The following KLF13 variants were observed in gnomAD, a reference collection of about 807,000 sequenced individuals.
KLF13 encodes the protein KLF transcription factor 13.
A neutral mutation model predicts 16.7 loss-of-function variants in KLF13; 8 were observed. That is an observed-to-expected ratio of 0.48 (90% CI 0.28 to 0.87). The LOEUF (loss-of-function observed/expected upper bound fraction) is 0.87, where lower values mean the gene tolerates loss of function less well. KLF13 is among the 40% of genes least tolerant of loss of function. KLF13 has a pLI of 0.10. For synonymous variants in KLF13, 245 were observed against 208.4 expected (o/e 1.18, Z -1.51); for missense variants, 447 against 452.2 (o/e 0.99, Z 0.10).
chr15:31,430,714 T>C (rs1444368016), intron 1 of KLF13, among the ~76,000 whole-genome samples: 1 of 152,206 alleles, frequency 6.6e-6, no homozygotes, highest in Non-Finnish European at 1.5e-5. Context: ...ACAAAATGTT[T>C]CAACAAGTTG....
At chr15:31,421,890 G>A (rs1262953183) in intron 1 of KLF13, among the ~76,000 whole-genome samples, 1 of 152,154 alleles carries the variant, frequency 6.6e-6, no homozygotes, top group African/African-American at 2.4e-5. Flanking sequence ...AGGACGGGCA[G>A]ATCACCTGAG....
chr15:31,377,111 G>A lies in KLF13; in HGVS notation c.*4812G>A, dbSNP rs2039659905. 1 of 152,298 alleles carries A rather than the reference G, an allele frequency of 6.6e-6. No homozygotes were observed. The highest frequency in any genetic ancestry group is 2.4e-5 in the African/African-American group (1 of 41,426). 9.4% of individuals were successfully genotyped at this position (152,298 alleles called of 1,614,324 possible). On this transcript the variant is annotated 3_prime_UTR_variant, in exon 2 of 2. Transcript: ENST00000307145. ...GCAGTGCGTGCTTATTTGGAAACCAGGTGTGTGAGCCGAATGCCTGCCAGG... is the reference window on the plus strand; with the variant it reads ...GCAGTGCGTGCTTATTTGGAAACCAAGTGTGTGAGCCGAATGCCTGCCAGG...
chr15:31,338,000 C>G (rs1347260547), intron 1 of KLF13, among the ~76,000 whole-genome samples: 1 of 152,116 alleles, frequency 6.6e-6, no homozygotes, highest in Non-Finnish European at 1.5e-5. Flanking sequence ...GCTGTGTTGG[C>G]GAGCAGGTAG....
downstream of KLF13, among the ~76,000 whole-genome samples, chr15:31,379,966 A>G (rs2039704485): frequency 6.6e-6 from 1 of 152,196 alleles, no homozygotes; most frequent in African/African-American, 2.4e-5. Flanking sequence ...AAGAGGGCCA[A>G]GCCTGGCAAA....
chr15:31,328,287 C>G (rs950273832), intron 1 of KLF13, among the ~76,000 whole-genome samples: 2 of 151,708 alleles, frequency 1.3e-5, no homozygotes, highest in African/African-American at 4.8e-5. Flanking sequence ...GGGCGAAGTT[C>G]ACGCAGGGAC....
chr15:31,385,929 G>A (rs560344852), intron 1 of KLF13, among the ~76,000 whole-genome samples: 12 of 152,366 alleles, frequency 7.9e-5, no homozygotes, highest in Admixed American at 6.5e-4. Flanking sequence ...TAGCCACATT[G>A]TGAATGCAAA....
At chr15:31,365,180 G>A (rs2140960262) in intron 1 of KLF13, among the ~76,000 whole-genome samples, 1 of 152,304 alleles carries the variant, frequency 6.6e-6, no homozygotes, top group Middle Eastern at 3.4e-3. Context: ...TGGGGACAGT[G>A]GCCTGGGAGC....
At chr15:31,329,591 C>T (rs1399288875) in intron 1 of KLF13, among the ~76,000 whole-genome samples, 2 of 152,096 alleles carry the variant, frequency 1.3e-5, no homozygotes, top group Non-Finnish European at 2.9e-5. Flanking sequence ...AGGCTCTGGC[C>T]CCGCGCGAGC....
At chr15:31,402,731 G>C (rs1043073448) in intron 2 of KLF13, among the ~76,000 whole-genome samples, 1 of 152,172 alleles carries the variant, frequency 6.6e-6, no homozygotes, top group African/African-American at 2.4e-5. Context: ...CAGACACTCA[G>C]TTCTGCGGCT....
At chr15:31,386,746 G>A (rs1386466362) in intron 1 of KLF13, among the ~76,000 whole-genome samples, 2 of 152,216 alleles carry the variant, frequency 1.3e-5, no homozygotes, top group African/African-American at 4.8e-5. Flanking sequence ...GGACAGGCTG[G>A]CTCTCTTGTT....
intron 1 of KLF13, among the ~76,000 whole-genome samples, chr15:31,348,668 G>A (rs1283213124): frequency 6.6e-6 from 1 of 152,086 alleles, no homozygotes; most frequent in East Asian, 1.9e-4. Flanking sequence ...AGTGCCTTGG[G>A]CTCCAGTGGG....
intron 1 of KLF13, among the ~76,000 whole-genome samples, chr15:31,386,505 AAAAG>A (rs1292128778): frequency 6.6e-6 from 1 of 152,262 alleles, no homozygotes; most frequent in Non-Finnish European, 1.5e-5. Flanking sequence ...ATCTTAAAAA[AAAAG>A]AAAAGAAAAA....
intron 1 of KLF13, among the ~76,000 whole-genome samples, chr15:31,362,981 A>T (rs2039412928): frequency 1.3e-5 from 2 of 152,228 alleles, no homozygotes. Context: ...TTCCTGCTGC[A>T]TTGACTAATC....
intron 1 of KLF13, among the ~76,000 whole-genome samples, chr15:31,356,228 T>C (rs1006241356): frequency 6.6e-6 from 1 of 152,162 alleles, no homozygotes; most frequent in African/African-American, 2.4e-5. Flanking sequence ...CTCTTTTGTG[T>C]CCCTGTGTAC....
chr15:31,387,284 A>AGCCACCCAAACCTCAGCAACC (rs2039805705), intron 1 of KLF13, among the ~76,000 whole-genome samples: 3 of 152,248 alleles, frequency 2.0e-5, no homozygotes, highest in Admixed American at 6.5e-5. Flanking sequence ...AAATTGCCAC[A>AGCCACCCAAACCTCAGCAACC]GCCACCCAAA....
At chr15:31,355,119 C>T (rs1026023159) in intron 1 of KLF13, among the ~76,000 whole-genome samples, 8 of 152,224 alleles carry the variant, frequency 5.3e-5, no homozygotes, top group Non-Finnish European at 8.8e-5. Context: ...GCAACCAGGA[C>T]ACAGGTGTTT....
At chr15:31,340,399 G>A (rs146788333) in intron 1 of KLF13, among the ~76,000 whole-genome samples, 288 of 152,352 alleles carry the variant, frequency 1.9e-3, no homozygotes, top group Middle Eastern at 6.8e-3. Context: ...TTTCCCTGTT[G>A]AACAGGCAGC....
chr15:31,420,920 T>A (rs1366934670), intron 1 of KLF13, among the ~76,000 whole-genome samples: 1 of 152,182 alleles, frequency 6.6e-6, no homozygotes, highest in East Asian at 1.9e-4. Context: ...CACAAACTCC[T>A]GACCTCAGGT....
intron 1 of KLF13, among the ~76,000 whole-genome samples, chr15:31,432,308 G>A (rs558039417): frequency 6.6e-6 from 1 of 151,844 alleles, no homozygotes; most frequent in Non-Finnish European, 1.5e-5. Context: ...TCTGCCCTCC[G>A]TAGAAGGTTC....
Sources: gnomAD v4.1 joint callset for allele counts (sites outside exome capture counted in the v4.1 genomes callset) on GRCh38, gnomAD v4.1.1 for gene constraint, MANE v1.5 for transcripts, NCBI Gene and HGNC (gene_info 2026-07-23, HGNC 2026-07-21) for gene names.